CCDC73: variants seen among roughly 807,000 people sequenced by gnomAD.
The protein encoded by CCDC73 is coiled-coil domain-containing protein 73.
CCDC73 carries 95 observed loss-of-function variants against 116.5 expected under a neutral mutation model. The observed-to-expected ratio is 0.82, with a 90% CI of 0.69 to 0.97. The LOEUF (loss-of-function observed/expected upper bound fraction) is 0.97. Among genes scored for constraint, CCDC73 ranks in the 50% least tolerant of loss-of-function variants. The pLI, the probability that CCDC73 is intolerant of heterozygous loss-of-function variation, is 0.00. For missense variants in CCDC73, 1,066 were observed against 1,206.8 expected (o/e 0.88, Z 1.73); for synonymous variants, 398 against 401.3 (o/e 0.99, Z 0.10).
chr11:32,829,330 A>G, the CCDC73 span, among the ~76,000 whole-genome samples: 1 of 152,086 alleles, frequency 6.6e-6, no homozygotes, highest in African/African-American at 2.4e-5. Flanking sequence ...TCCACTGTAC[A>G]CTCTTGAGAG....
chr11:32,616,196 T>A (rs1855473665), intron 14 of CCDC73, 67 bp from the exon 15 acceptor site: 26 of 1,412,160 alleles, frequency 1.8e-5, no homozygotes, highest in Non-Finnish European at 2.3e-5. Context: ...TGAGCAAATG[T>A]GATAAATGTG....
At position 32,654,937 on chromosome 11, in the gene CCDC73, G is replaced by T; in HGVS notation, c.681C>A (p.Ser227=). Residue 227 remains serine (S), a synonymous_variant, in exon 10 of 18, where the codon TCC becomes TCA. Transcript: ENST00000335185. ...LKKAASDLIK[S]KVTCQYKMGE... is the part of the protein sequence containing the mutation. ...CCATCTTATATTGACATGTGACTTT[G>T]GACTTTATCAAGTCTGAGGCTGCTT... is the stretch of plus-strand genomic sequence containing the variant. The T allele has an allele frequency of 6.2e-7, 1 of 1,601,348 alleles. No homozygotes were observed. Among genetic ancestry groups the T allele is most frequent in the Non-Finnish European group, 8.5e-7 (1 of 1,176,338 alleles).
chr11:32,768,851 A>C (rs1033045110), intron 1 of CCDC73, among the ~76,000 whole-genome samples: 4 of 152,196 alleles, frequency 2.6e-5, no homozygotes, highest in African/African-American at 9.7e-5. Context: ...TCTCAAAAAA[A>C]TAAAAGAAAG....
At chr11:32,779,263 C>CAAAAAAA (rs34184527) in intron 1 of CCDC73, among the ~76,000 whole-genome samples, 1 of 110,060 alleles carries the variant, frequency 9.1e-6, no homozygotes, top group African/African-American at 3.5e-5. Context: ...TCATGTGGGG[C>CAAAAAAA]AAAAAAAAAA....
At chr11:32,740,928 G>A (rs1462401097) in intron 2 of CCDC73, among the ~76,000 whole-genome samples, 1 of 151,798 alleles carries the variant, frequency 6.6e-6, no homozygotes, top group Non-Finnish European at 1.5e-5. Context: ...TCTCTTCATT[G>A]ACCAACTGAT....
chr11:32,802,010 G>A, the CCDC73 span, among the ~76,000 whole-genome samples: 1,926 of 152,256 alleles, frequency 0.013, 39 homozygotes, highest in African/African-American at 0.044. Flanking sequence ...TATTATGAGA[G>A]TCAGTTGAGA....
chr11:32,745,371 G>A (rs757587268), intron 2 of CCDC73, among the ~76,000 whole-genome samples: 40 of 152,196 alleles, frequency 2.6e-4, no homozygotes, highest in Admixed American at 7.9e-4. Flanking sequence ...CAAGAAGAAT[G>A]TATATTCTGT....
chr11:32,675,613 A>T lies in CCDC73; in HGVS notation c.597T>A (p.Leu199=), dbSNP rs369451312. 53 of 1,592,986 alleles carry T rather than the reference A, an allele frequency of 3.3e-5. No individual in the cohort carries two copies. In the African/African-American group the frequency reaches 6.4e-4, roughly 19 times the overall value. ...CTTCTTGTTTTTTATTTAAAGCTGA[A>T]AGTCTTTTGTTTGATTGTATTGCTT... ...VREAIQSNKR[L]SALNKKQEAE... The change falls in exon 9 of 18, where the codon CTT becomes CTA. Residue 199 remains leucine, a synonymous_variant. Coordinates refer to ENST00000335185, the MANE Select transcript of CCDC73 (RefSeq NM_001008391.4).
chr11:32,814,187 G>A, the CCDC73 span, among the ~76,000 whole-genome samples: 1 of 152,090 alleles, frequency 6.6e-6, no homozygotes, highest in South Asian at 2.1e-4. Flanking sequence ...CTTTAACCAG[G>A]AGCCTCAAAT....
intron 6 of CCDC73, among the ~76,000 whole-genome samples, chr11:32,692,721 T>C (rs1272599336): frequency 1.3e-5 from 2 of 152,194 alleles, no homozygotes; most frequent in African/African-American, 4.8e-5. Flanking sequence ...ATGCAGACAC[T>C]GTTTTACAAA....
intron 12 of CCDC73, among the ~76,000 whole-genome samples, chr11:32,650,414 A>C (rs531531407): frequency 6.6e-6 from 1 of 152,314 alleles, no homozygotes; most frequent in South Asian, 2.1e-4. Context: ...TGGCCTAAAA[A>C]TCTATGTTTC....
chr11:32,741,562 A>G (rs1180927514), intron 2 of CCDC73, among the ~76,000 whole-genome samples: 2 of 151,396 alleles, frequency 1.3e-5, no homozygotes, highest in African/African-American at 4.9e-5. Flanking sequence ...TTTTTAGTCT[A>G]TGTGTGACTT....
the CCDC73 span, among the ~76,000 whole-genome samples, chr11:32,829,059 A>T: frequency 3.9e-5 from 6 of 152,340 alleles, no homozygotes; most frequent in Admixed American, 6.5e-5. Context: ...GGATCTCTTG[A>T]GCCCAGGAGT....
rs371375962 is a variant in CCDC73, at chr11:32,638,635, T to C, written c.1051-2805A>G. 2.5e-4 allele frequency among the ~76,000 whole-genome samples: 38 copies of C among 152,056 alleles called. No homozygotes were observed. In the South Asian group the frequency reaches 7.1e-3, roughly 28 times the overall value. On this transcript the variant is annotated intron_variant, in intron 13 of 17. Transcript: ENST00000335185. Reference sequence around the variant, plus strand: ...CTGGAATTACAGGCATGTGCCACCATGCCTGGCTAATTTTTGTATTGTTAG... The same window carrying C: ...CTGGAATTACAGGCATGTGCCACCACGCCTGGCTAATTTTTGTATTGTTAG...
chr11:32,739,898 C>T (rs532041797), intron 2 of CCDC73, among the ~76,000 whole-genome samples: 8 of 151,592 alleles, frequency 5.3e-5, no homozygotes, highest in Middle Eastern at 3.4e-3. Flanking sequence ...TATGAAGGGA[C>T]GTTGAATTTT....
At chr11:32,726,549 T>C (rs1458186996) in intron 2 of CCDC73, among the ~76,000 whole-genome samples, 2 of 152,120 alleles carry the variant, frequency 1.3e-5, no homozygotes, top group Admixed American at 6.5e-5. Context: ...AAATTAGTAA[T>C]AATATAGAAG....
intron 3 of CCDC73, among the ~76,000 whole-genome samples, chr11:32,712,120 C>A (rs1036110207): frequency 7.2e-5 from 11 of 152,082 alleles, no homozygotes; most frequent in Non-Finnish European, 8.8e-5. Flanking sequence ...ACTTTCTCCC[C>A]CACACATTTC....
intron 9 of CCDC73, among the ~76,000 whole-genome samples, chr11:32,669,224 T>C (rs1263165355): frequency 6.6e-6 from 1 of 152,164 alleles, no homozygotes; most frequent in Non-Finnish European, 1.5e-5. Context: ...TCCAAATTCA[T>C]ATTTATAGGA....
chr11:32,675,956 C>A lies in CCDC73; in HGVS notation c.495G>T (p.Glu165Asp). 1.9e-6 allele frequency: 3 copies of A among 1,608,954 alleles called. No individual in the cohort carries two copies. Among genetic ancestry groups the A allele is most frequent in the Non-Finnish European group, 2.5e-6 (3 of 1,178,080 alleles). The change falls in exon 8 of 18, where the codon GAG (glutamate) becomes GAT (aspartate). Residue 165 changes from glutamate (E) to aspartate (D), a missense_variant. Transcript: ENST00000335185. Reference protein sequence around the residue: ...EDYHKQLSEIEKYYATITGQF... With the variant: ...EDYHKQLSEIDKYYATITGQF... ...GACCTGTTATTGTGGCATAATATTT[C>A]TCAATTTCACTCAGTTGCTTATGAT... is the stretch of plus-strand genomic sequence containing the variant.
Sources: allele counts gnomAD v4.1 joint callset (sites outside exome capture counted in the v4.1 genomes callset), GRCh38; gene constraint gnomAD v4.1.1; transcripts MANE v1.5; gene names NCBI Gene and HGNC (gene_info 2026-07-23, HGNC 2026-07-21).